The following CEP128 variants were observed in gnomAD, a reference collection of about 807,000 sequenced individuals.
CEP128 encodes the protein centrosomal protein 128kDa.
In CEP128, 132 loss-of-function variants were observed where a neutral mutation model predicts 156.7. That is an observed-to-expected ratio of 0.84 (90% CI 0.73 to 0.97). The LOEUF (loss-of-function observed/expected upper bound fraction) is 0.97, where lower values mean the gene tolerates loss of function less well. CEP128 is among the 50% of genes least tolerant of loss of function. The pLI is 0.00. For synonymous variants in CEP128, 469 were observed against 448.9 expected, an observed-to-expected ratio of 1.04 and a Z score of -0.57; for missense variants, 1,252 against 1,281.9, an observed-to-expected ratio of 0.98 and a Z score of 0.36.
At chr14:80,621,159 T>C (rs908069562) in intron 19 of CEP128, among the ~76,000 whole-genome samples, 17 of 152,196 alleles carry the variant, frequency 1.1e-4, no homozygotes, top group Admixed American at 9.8e-4. Context: ...TTTCTGTATA[T>C]GTTTAAAATA....
At chr14:80,684,705 A>G (rs1566855895) in intron 19 of CEP128, among the ~76,000 whole-genome samples, 1 of 152,076 alleles carries the variant, frequency 6.6e-6, no homozygotes, top group African/African-American at 2.4e-5. Flanking sequence ...CCTCAAAAAA[A>G]AAAAAAAGCA....
At chr14:80,631,834 A>G (rs1566822976) in intron 19 of CEP128, among the ~76,000 whole-genome samples, 1 of 152,140 alleles carries the variant, frequency 6.6e-6, no homozygotes, top group Non-Finnish European at 1.5e-5. Context: ...GGACCTCACC[A>G]TATTAAGGAC....
chr14:80,654,345 G>A (rs978422919), intron 19 of CEP128, among the ~76,000 whole-genome samples: 1 of 152,090 alleles, frequency 6.6e-6, no homozygotes, highest in Non-Finnish European at 1.5e-5. Context: ...GAAGGGCTTG[G>A]GAGATACAGT....
intron 13 of CEP128, 26 bp from the exon 14 acceptor site, chr14:80,793,136 AG>A: frequency 6.4e-7 from 1 of 1,573,260 alleles, no homozygotes; most frequent in Non-Finnish European, 8.7e-7. Context: ...GCAAAACATT[AG>A]GAACAAATCC....
At chr14:80,554,976 T>G (rs1041144779) in intron 21 of CEP128, among the ~76,000 whole-genome samples, 54 of 152,254 alleles carry the variant, frequency 3.5e-4, no homozygotes, top group African/African-American at 1.2e-3. Context: ...CAGTAACTAG[T>G]ACTGACCAGT....
intron 19 of CEP128, among the ~76,000 whole-genome samples, chr14:80,687,584 G>A (rs547361086): frequency 6.6e-6 from 1 of 152,212 alleles, no homozygotes; most frequent in East Asian, 1.9e-4. Flanking sequence ...GACTACTCAA[G>A]GAGAAAGGAA....
intron 23 of CEP128, 145 bp from the exon 24 acceptor site, chr14:80,505,165 A>T: frequency 2.8e-6 from 1 of 354,496 alleles, no homozygotes; most frequent in Non-Finnish European, 5.1e-6. Context: ...CACTGTAAAA[A>T]TAAAATATGT....
intron 19 of CEP128, among the ~76,000 whole-genome samples, chr14:80,717,741 A>C (rs1897660494): frequency 6.6e-6 from 1 of 152,234 alleles, no homozygotes; most frequent in Non-Finnish European, 1.5e-5. Context: ...TATTAGATCA[A>C]ATAGATCATT....
At chr14:80,489,321 G>T (rs1181670081), downstream of CEP128, among the ~76,000 whole-genome samples, 3 of 146,304 alleles carry the variant, frequency 2.1e-5, no homozygotes. Flanking sequence ...GTCTAATAGT[G>T]TAAGACATTA....
chr14:80,585,629 A>G (rs1348330604), intron 19 of CEP128, among the ~76,000 whole-genome samples: 1 of 152,208 alleles, frequency 6.6e-6, no homozygotes, highest in African/African-American at 2.4e-5. Flanking sequence ...ACAGCACTGG[A>G]CAGAGTAACA....
intron 19 of CEP128, among the ~76,000 whole-genome samples, chr14:80,707,292 T>A (rs1897262542): frequency 6.6e-6 from 1 of 152,174 alleles, no homozygotes; most frequent in South Asian, 2.1e-4. Flanking sequence ...TAATGACAGT[T>A]AAATTTTCAG....
rs189558391 is a variant in CEP128 at position 80,950,534 on chromosome 14, G to C, written c.-172+7644C>G. ...GGATTAGTGGCCAATTAAATATTAC[G>C]GGAGGACAAAAAAGAATACTGAATT... On this transcript the variant is annotated intron_variant, in intron 2 of 7. Coordinates refer to the CEP128 transcript ENST00000555529. Among the ~76,000 whole-genome samples, 137 of 152,058 alleles carry C rather than the reference G, an allele frequency of 9.0e-4. 2 individuals carry two copies. The highest frequency in any genetic ancestry group is 5.1e-4 in the Non-Finnish European group (35 of 67,976).
At chr14:80,701,571 G>A (rs191638655) in intron 19 of CEP128, among the ~76,000 whole-genome samples, 1 of 150,954 alleles carries the variant, frequency 6.6e-6, no homozygotes, top group Admixed American at 6.6e-5. Context: ...CCTCTTCCTG[G>A]GCATCAAGGA....
At chr14:80,491,234 CTCTT>C (rs1454343911) in intron 6 of CEP128, among the ~76,000 whole-genome samples, 1 of 152,154 alleles carries the variant, frequency 6.6e-6, no homozygotes, top group Non-Finnish European at 1.5e-5. Flanking sequence ...AAATGGGAAA[CTCTT>C]TCCACGGTAC....
At chr14:80,937,046 A>G (rs924596465) in intron 2 of CEP128, among the ~76,000 whole-genome samples, 3 of 152,156 alleles carry the variant, frequency 2.0e-5, no homozygotes, top group Middle Eastern at 3.2e-3. Flanking sequence ...GGCCAGGCGC[A>G]GTGGCCCATG....
intron 23 of CEP128, among the ~76,000 whole-genome samples, chr14:80,516,816 T>A (rs911855418): frequency 6.6e-6 from 1 of 152,170 alleles, no homozygotes; most frequent in Non-Finnish European, 1.5e-5. Context: ...CTGCCAGAAG[T>A]TGGGGGAGGA....
intron 2 of CEP128, among the ~76,000 whole-genome samples, chr14:80,949,201 C>T (rs1193578585): frequency 6.6e-6 from 1 of 152,070 alleles, no homozygotes; most frequent in Non-Finnish European, 1.5e-5. Context: ...ATAAAGCAAG[C>T]CTTATGATTG....
At chr14:80,484,302 T>A (rs1462345545) in intron 14 of CEP128, among the ~76,000 whole-genome samples, 1 of 152,152 alleles carries the variant, frequency 6.6e-6, no homozygotes, top group Non-Finnish European at 1.5e-5. Context: ...TTTATACAAA[T>A]TTTTCTATAT....
chr14:80,685,847 T>A (rs1292052355), intron 19 of CEP128, among the ~76,000 whole-genome samples: 1 of 151,950 alleles, frequency 6.6e-6, no homozygotes, highest in Non-Finnish European at 1.5e-5. Flanking sequence ...TCAACAAAAA[T>A]TATTAATAGG....
Sources: allele counts gnomAD v4.1 joint callset (sites outside exome capture counted in the v4.1 genomes callset), GRCh38; gene constraint gnomAD v4.1.1; transcripts MANE v1.5; gene names NCBI Gene and HGNC (gene_info 2026-07-23, HGNC 2026-07-21).